Variants in LRRC4C observed in about 807,000 individuals in gnomAD.
The protein encoded by LRRC4C is leucine-rich repeat-containing protein 4C.
A neutral mutation model predicts 33.6 loss-of-function variants in LRRC4C; 5 were observed. The observed-to-expected ratio is 0.15, with a 90% CI of 0.08 to 0.31. LRRC4C has a LOEUF of 0.31. Among genes scored for constraint, LRRC4C ranks in the 10% least tolerant of loss-of-function variants. The pLI, the probability that LRRC4C is intolerant of heterozygous loss-of-function variation, is 1.00. For synonymous variants in LRRC4C, 329 were observed against 302.0 expected, an observed-to-expected ratio of 1.09 and a Z score of -0.93; for missense variants, 560 against 796.7, an observed-to-expected ratio of 0.70 and a Z score of 3.58.
chr11:41,175,701 C>G (rs1590841497), intron 1 of LRRC4C, among the ~76,000 whole-genome samples: 1 of 152,276 alleles, frequency 6.6e-6, no homozygotes, highest in African/African-American at 2.4e-5. Context: ...AGGACTACTA[C>G]AGCTTTGTAT....
chr11:40,370,706 T>C (rs1240333211), intron 3 of LRRC4C, among the ~76,000 whole-genome samples: 1 of 152,106 alleles, frequency 6.6e-6, no homozygotes, highest in Non-Finnish European at 1.5e-5. Flanking sequence ...AATGTTTTAG[T>C]AAAACATTTT....
intron 3 of LRRC4C, among the ~76,000 whole-genome samples, chr11:40,612,053 A>G (rs1961279202): frequency 6.6e-6 from 1 of 151,808 alleles, no homozygotes; most frequent in Non-Finnish European, 1.5e-5. Flanking sequence ...TCTAAAAAAT[A>G]TTTGAAATCA....
chr11:41,078,689 C>T (rs1040308361), intron 1 of LRRC4C, among the ~76,000 whole-genome samples: 1 of 152,108 alleles, frequency 6.6e-6, no homozygotes, highest in Non-Finnish European at 1.5e-5. Context: ...GGCACCTCTT[C>T]TGACACATGG....
chr11:40,642,994 A>T (rs1942217010), intron 3 of LRRC4C, among the ~76,000 whole-genome samples: 1 of 152,190 alleles, frequency 6.6e-6, no homozygotes, highest in Non-Finnish European at 1.5e-5. Context: ...CAAATCCCAG[A>T]TATTATATTG....
intron 1 of LRRC4C, among the ~76,000 whole-genome samples, chr11:40,953,211 A>G (rs142253814): frequency 2.5e-4 from 38 of 152,092 alleles, no homozygotes; most frequent in African/African-American, 8.9e-4. Context: ...TATAAACTCT[A>G]TGGAAATAAA....
chr11:40,451,861 G>A (rs1168478509), intron 3 of LRRC4C, among the ~76,000 whole-genome samples: 1 of 152,264 alleles, frequency 6.6e-6, no homozygotes, highest in African/African-American at 2.4e-5. Context: ...CCCAGTGTGA[G>A]CGATGCAGAA....
At chr11:40,739,515 T>C (rs910343377) in intron 2 of LRRC4C, among the ~76,000 whole-genome samples, 1 of 151,958 alleles carries the variant, frequency 6.6e-6, no homozygotes, top group African/African-American at 2.4e-5. Flanking sequence ...ATATATACAA[T>C]TATATATTTG....
intron 1 of LRRC4C, among the ~76,000 whole-genome samples, chr11:41,005,137 A>T (rs1033789647): frequency 6.6e-6 from 1 of 152,146 alleles, no homozygotes; most frequent in East Asian, 1.9e-4. Flanking sequence ...CATGCACATC[A>T]TATGCCTACT....
At chr11:40,658,060 T>C (rs1462095545) in intron 2 of LRRC4C, among the ~76,000 whole-genome samples, 1 of 152,174 alleles carries the variant, frequency 6.6e-6, no homozygotes, top group Non-Finnish European at 1.5e-5. Flanking sequence ...AATCAAAGAG[T>C]CAATATTTTC....
chr11:40,686,686 A>T (rs530657206), intron 2 of LRRC4C, among the ~76,000 whole-genome samples: 10 of 152,224 alleles, frequency 6.6e-5, no homozygotes, highest in South Asian at 2.1e-4. Context: ...TAATTTTTTT[A>T]AAAGTCTTAT....
chr11:40,203,534 A>T (rs965054795), intron 5 of LRRC4C, among the ~76,000 whole-genome samples: 4 of 152,204 alleles, frequency 2.6e-5, no homozygotes, highest in African/African-American at 9.6e-5. Context: ...GTAGTTGGTT[A>T]CTAAAAGTAG....
At chr11:41,234,408 A>C (rs1052269563) in intron 1 of LRRC4C, among the ~76,000 whole-genome samples, 1 of 151,972 alleles carries the variant, frequency 6.6e-6, no homozygotes, top group Non-Finnish European at 1.5e-5. Context: ...TTCTCTTAGC[A>C]ATGTTCAGGA....
At chr11:40,747,089 C>T (rs1235455001) in intron 2 of LRRC4C, among the ~76,000 whole-genome samples, 1 of 152,154 alleles carries the variant, frequency 6.6e-6, no homozygotes, top group Non-Finnish European at 1.5e-5. Flanking sequence ...ACACCATACA[C>T]TGTTCTAGGG....
chr11:40,256,439 T>C (rs1867207901), intron 4 of LRRC4C, among the ~76,000 whole-genome samples: 1 of 152,110 alleles, frequency 6.6e-6, no homozygotes, highest in African/African-American at 2.4e-5. Context: ...TCCCTTCCCT[T>C]CCTTCTCTGC....
At chr11:40,721,882 A>G (rs1434159513) in intron 2 of LRRC4C, among the ~76,000 whole-genome samples, 4 of 152,184 alleles carry the variant, frequency 2.6e-5, no homozygotes, top group African/African-American at 9.7e-5. Flanking sequence ...CAGAGCTTGC[A>G]GTGAGCCAAG....
chr11:40,320,377 C>A (rs549723135), intron 3 of LRRC4C, among the ~76,000 whole-genome samples: 1 of 151,988 alleles, frequency 6.6e-6, no homozygotes, highest in East Asian at 1.9e-4. Flanking sequence ...TGGTGGTGGG[C>A]GCCTGTAGTC....
chr11:40,438,019 A>G (rs10837410), intron 3 of LRRC4C, among the ~76,000 whole-genome samples: 16,095 of 152,256 alleles, frequency 0.11, 973 homozygotes, highest in African/African-American at 0.16. Flanking sequence ...CTATTTCATT[A>G]GAAGTATAAG....
At chr11:41,334,190 G>A (rs1463135323) in intron 1 of LRRC4C, among the ~76,000 whole-genome samples, 2 of 152,176 alleles carry the variant, frequency 1.3e-5, no homozygotes, top group African/African-American at 2.4e-5. Flanking sequence ...TCATTTCATA[G>A]CATAGTATAT....
chr11:41,045,509 A>G (rs1857716831), intron 1 of LRRC4C, among the ~76,000 whole-genome samples: 2 of 152,128 alleles, frequency 1.3e-5, no homozygotes, highest in Non-Finnish European at 1.5e-5. Context: ...TTAATCTGTT[A>G]TGTCCAACTG....
Sources: allele counts gnomAD v4.1 joint callset (sites outside exome capture counted in the v4.1 genomes callset), GRCh38; gene constraint gnomAD v4.1.1; transcripts MANE v1.5; gene names NCBI Gene and HGNC (gene_info 2026-07-23, HGNC 2026-07-21).